The following CTNNA3 variants were observed in gnomAD, a reference collection of about 807,000 sequenced individuals.
CTNNA3 encodes catenin alpha-3.
CTNNA3 carries 76 observed loss-of-function variants against 95.7 expected under a neutral mutation model. That is an observed-to-expected ratio of 0.79 (90% confidence interval 0.66 to 0.96). The LOEUF (loss-of-function observed/expected upper bound fraction) is 0.96. Ranked by LOEUF, CTNNA3 falls within the 40% of genes least tolerant of loss-of-function variation. The probability of loss-of-function intolerance (pLI) is 0.00; values close to 1 mark genes in which losing one functional copy is unlikely to be tolerated. For synonymous variants in CTNNA3, 431 were observed against 374.4 expected (o/e 1.15, Z -1.74); for missense variants, 1,191 against 1,089.8 (o/e 1.09, Z -1.31).
intron 15 of CTNNA3, among the ~76,000 whole-genome samples, chr10:66,037,488 A>T (rs2079590555): frequency 6.6e-6 from 1 of 152,212 alleles, no homozygotes; most frequent in Non-Finnish European, 1.5e-5. Flanking sequence ...CTACTGAAAA[A>T]ATAAATAAGC....
At chr10:67,541,189 G>C (rs1321612216) in intron 3 of CTNNA3, among the ~76,000 whole-genome samples, 1 of 151,754 alleles carries the variant, frequency 6.6e-6, no homozygotes, top group Admixed American at 6.6e-5. Flanking sequence ...GAATTCCTGA[G>C]TCAAGGGGCA....
At chr10:67,430,234 A>T (rs1377256677) in intron 5 of CTNNA3, among the ~76,000 whole-genome samples, 2 of 152,018 alleles carry the variant, frequency 1.3e-5, no homozygotes, top group African/African-American at 4.8e-5. Flanking sequence ...CAATTACCCA[A>T]TTCAGCTCAA....
intron 15 of CTNNA3, among the ~76,000 whole-genome samples, chr10:66,027,264 G>T (rs997387802): frequency 6.6e-6 from 1 of 152,056 alleles, no homozygotes; most frequent in Non-Finnish European, 1.5e-5. Flanking sequence ...TAACACATAA[G>T]ATAGTCACAC....
At chr10:66,450,131 C>T (rs12765845) in intron 11 of CTNNA3, among the ~76,000 whole-genome samples, 40,270 of 151,838 alleles carry the variant, frequency 0.27, 5,500 homozygotes, top group South Asian at 0.39. Context: ...GTTAACATCC[C>T]CACTTACCCC....
intron 1 of CTNNA3, among the ~76,000 whole-genome samples, chr10:67,648,464 CA>C (rs1303453524): frequency 2.0e-5 from 3 of 152,124 alleles, no homozygotes; most frequent in Non-Finnish European, 2.9e-5. Context: ...GAAAATAACC[CA>C]AATGGCCTGC....
chr10:66,166,498 CAAAAA>C (rs35165850), intron 13 of CTNNA3, among the ~76,000 whole-genome samples: 3 of 105,200 alleles, frequency 2.9e-5, no homozygotes, highest in African/African-American at 3.8e-5. Context: ...CAGTCTGTCT[CAAAAA>C]AAAAAAAAAA....
intron 12 of CTNNA3, among the ~76,000 whole-genome samples, chr10:66,288,555 A>G (rs1009467902): frequency 2.0e-5 from 3 of 152,114 alleles, no homozygotes; most frequent in Non-Finnish European, 4.4e-5. Context: ...CTGCTATTTA[A>G]CCTTATATTA....
intron 2 of CTNNA3, among the ~76,000 whole-genome samples, chr10:67,641,783 C>T (rs1245122651): frequency 6.6e-6 from 1 of 152,162 alleles, no homozygotes; most frequent in African/African-American, 2.4e-5. Flanking sequence ...CACGTGTTCT[C>T]ACTCATAGGT....
intron 1 of CTNNA3, among the ~76,000 whole-genome samples, chr10:67,656,847 G>A (rs1388524791): frequency 6.6e-6 from 1 of 152,150 alleles, no homozygotes. Context: ...CATAGTAAGA[G>A]AGAAAGTCAG....
At chr10:66,050,683 C>G (rs2133534541) in intron 15 of CTNNA3, among the ~76,000 whole-genome samples, 1 of 152,250 alleles carries the variant, frequency 6.6e-6, no homozygotes, top group South Asian at 2.1e-4. Context: ...TGCTTCTTTT[C>G]TTCTAACTGT....
chr10:66,364,818 A>G (rs1194778953), intron 12 of CTNNA3, among the ~76,000 whole-genome samples: 1 of 152,140 alleles, frequency 6.6e-6, no homozygotes, highest in African/African-American at 2.4e-5. Flanking sequence ...TGATTTCTCC[A>G]CATGACCATG....
intron 9 of CTNNA3, among the ~76,000 whole-genome samples, chr10:66,736,066 G>T (rs942435610): frequency 2.0e-4 from 30 of 152,206 alleles, no homozygotes; most frequent in African/African-American, 7.2e-4. Context: ...GCAGAGTGCA[G>T]TTGAGCCACA....
intron 7 of CTNNA3, among the ~76,000 whole-genome samples, chr10:67,150,129 T>C (rs1861025710): frequency 6.6e-6 from 1 of 152,202 alleles, no homozygotes; most frequent in Non-Finnish European, 1.5e-5. Flanking sequence ...GTGTTTAATG[T>C]TACTTAATCT....
At chr10:67,252,226 A>G (rs1866141230) in intron 5 of CTNNA3, among the ~76,000 whole-genome samples, 1 of 151,728 alleles carries the variant, frequency 6.6e-6, no homozygotes, top group Admixed American at 6.6e-5. Flanking sequence ...CTCAAAAAAA[A>G]AAAAAAAAAA....
chr10:65,915,801 T>G lies in CTNNA3; in HGVS notation c.*4529A>C, dbSNP rs1235730745. The G allele has an allele frequency of 6.6e-6, 1 of 152,190 alleles. No individual in the cohort carries two copies. Among genetic ancestry groups the G allele is most frequent in the African/African-American group, 2.4e-5 (1 of 41,446 alleles). The allele number at this position is 152,190 out of a possible 1,614,324, so 9.4% of individuals were successfully genotyped here. A position where few individuals can be genotyped will look rare whatever the true frequency, so the allele number is the denominator to read the frequency against. On this transcript the variant is annotated 3_prime_UTR_variant, in exon 18 of 18. Transcript: ENST00000433211. Reference sequence around the variant, plus strand: ...ATATTCACATGCAAGAAGACTAGTGTTTTAAACTATTCTTTATTTTGCTTT... The same window carrying G: ...ATATTCACATGCAAGAAGACTAGTGGTTTAAACTATTCTTTATTTTGCTTT...
chr10:66,901,913 C>A (rs1322480503), intron 7 of CTNNA3, among the ~76,000 whole-genome samples: 2 of 152,120 alleles, frequency 1.3e-5, no homozygotes, highest in Non-Finnish European at 2.9e-5. Flanking sequence ...ACTTAGACTC[C>A]CACACAATAA....
In CTNNA3 at chr10:67,655,787, A is replaced by AG. The variant is rs796416955; in HGVS notation, c.-5-8270_-5-8269insC. The stretch of plus-strand genomic sequence containing the variant: ...AACAGAGCGAGACTCCGTCTCAAAA[A>AG]AAAAAAAAAAAAAAATTTATCTTGA... On this transcript the variant is annotated intron_variant, in intron 1 of 17. Transcript: ENST00000433211. Among the ~76,000 whole-genome samples the AG allele has an allele frequency of 2.8e-3, 361 of 129,150 alleles. 3 individuals carry two copies. Among genetic ancestry groups the AG allele is most frequent in the African/African-American group, 0.013 (326 of 24,442 alleles). The allele number at this position is 129,150 out of a possible 152,430, so 84.7% of individuals were successfully genotyped here.
At chr10:65,993,142 ATTTGT>A (rs750872979) in intron 15 of CTNNA3, among the ~76,000 whole-genome samples, 8 of 152,142 alleles carry the variant, frequency 5.3e-5, no homozygotes, top group Non-Finnish European at 8.8e-5. Flanking sequence ...ATTTGTTAAG[ATTTGT>A]TTTGTTGCCT....
intron 7 of CTNNA3, among the ~76,000 whole-genome samples, chr10:66,955,614 T>G (rs970377275): frequency 3.4e-4 from 52 of 152,126 alleles, no homozygotes; most frequent in African/African-American, 1.3e-3. Context: ...GTTGGATGAA[T>G]GGATATATGG....
Sources: allele counts gnomAD v4.1 joint callset (sites outside exome capture counted in the v4.1 genomes callset), GRCh38; gene constraint gnomAD v4.1.1; transcripts MANE v1.5; gene names NCBI Gene and HGNC (gene_info 2026-07-23, HGNC 2026-07-21).